Variants in HSD17B2 observed in about 807,000 individuals in gnomAD.
The protein encoded by HSD17B2 is 17-beta-hydroxysteroid dehydrogenase type 2.
In HSD17B2, 32 loss-of-function variants were observed where a neutral mutation model predicts 26.9. The ratio of observed to expected loss-of-function variants is 1.19; its 90% CI spans 0.90 to 1.60. HSD17B2 has a LOEUF of 1.60. Among genes scored for constraint, HSD17B2 ranks in the 40% most tolerant of loss-of-function variants. The probability of loss-of-function intolerance (pLI) is 0.00; values close to 1 mark genes in which losing one functional copy is unlikely to be tolerated. For missense variants in HSD17B2, 613 were observed against 468.6 expected, an observed-to-expected ratio of 1.31 and a Z score of -2.85; for synonymous variants, 246 against 186.7, an observed-to-expected ratio of 1.32 and a Z score of -2.59.
intron 3 of HSD17B2, among the ~76,000 whole-genome samples, chr16:82,081,373 T>C (rs1039750463): frequency 2.6e-5 from 4 of 152,082 alleles, no homozygotes; most frequent in Admixed American, 6.6e-5. Flanking sequence ...TAACTCCTTC[T>C]CTCTCCCTGG....
chr16:82,068,310 C>T lies in HSD17B2; in HGVS notation c.406C>T (p.Gln136Ter), dbSNP rs763824507. ...RTCSPRLSVL[Q>*]MDITKPVQIK... ...CTGCTCTCCGCGCCTCTCGGTGCTC[C>T]AAATGGACATCACGAAGCCAGTGCA... Residue 136 changes from glutamine to a stop codon, truncating the protein, a stop_gained, in exon 2 of 5, where the codon CAA becomes TAA. Transcript: ENST00000199936. LOFTEE classifies it high-confidence loss of function. 16 of 1,614,074 alleles carry T rather than the reference C, an allele frequency of 9.9e-6. No homozygotes were observed. Among genetic ancestry groups the T allele is most frequent in the Non-Finnish European group, 1.4e-5 (16 of 1,180,006 alleles).
intron 1 of HSD17B2, among the ~76,000 whole-genome samples, chr16:82,058,456 T>A (rs1367298616): frequency 2.0e-5 from 3 of 152,178 alleles, no homozygotes; most frequent in Non-Finnish European, 4.4e-5. Flanking sequence ...AAATCTAAAT[T>A]TGCTCTAAAA....
At chr16:82,048,190 G>A (rs1352545408) in intron 1 of HSD17B2, among the ~76,000 whole-genome samples, 2 of 152,140 alleles carry the variant, frequency 1.3e-5, no homozygotes, top group South Asian at 2.1e-4. Context: ...TCTGAGAGAC[G>A]AGTGTAGACA....
intron 3 of HSD17B2, 66 bp downstream of exon 3, chr16:82,071,193 T>A (rs1376227479): frequency 6.7e-7 from 1 of 1,503,122 alleles, no homozygotes; most frequent in African/African-American, 1.4e-5. Context: ...TGGCATTCTA[T>A]GTGGGCGAAC....
intron 1 of HSD17B2, among the ~76,000 whole-genome samples, chr16:82,036,695 TG>T (rs1913635056): frequency 6.6e-6 from 1 of 152,148 alleles, no homozygotes; most frequent in African/African-American, 2.4e-5. Flanking sequence ...TGGTGCTTGT[TG>T]GGGTTAGACA....
intron 3 of HSD17B2, chr16:82,071,472 A>T (rs1247698956): frequency 5.3e-6 from 2 of 375,794 alleles, no homozygotes; most frequent in East Asian, 1.3e-4. Context: ...CCTGTTTTCA[A>T]CACTTCGTCA....
rs757851714 is a variant in HSD17B2 at position 82,035,449 on chromosome 16, G to A, written c.25G>A (p.Ala9Thr). Residue 9 changes from alanine to threonine, a missense_variant, in exon 1 of 5, where the codon GCA (alanine) becomes ACA (threonine). Ala to Thr is a moderately conservative substitution (Grantham distance 58, BLOSUM62 0). Transcript: ENST00000199936. ...AATGAGCACTTTCTTCTCGGACACA[G>A]CATGGATCTGCCTGGCTGTCCCCAC... Reference protein sequence around the residue: MSTFFSDTAWICLAVPTVL... With the variant: MSTFFSDTTWICLAVPTVL... 30 of 1,613,350 alleles carry A rather than the reference G, an allele frequency of 1.9e-5. No homozygotes were observed. Among genetic ancestry groups the A allele is most frequent in the Middle Eastern group, 1.7e-4 (1 of 5,726 alleles).
chr16:82,094,734 C>T (rs927624622), intron 4 of HSD17B2: 2 of 152,158 alleles, frequency 1.3e-5, no homozygotes, highest in Non-Finnish European at 2.9e-5. Context: ...TTCTAAGAGA[C>T]ATTCCAGATT....
chr16:82,054,495 C>G (rs750608920), intron 1 of HSD17B2, among the ~76,000 whole-genome samples: 51 of 152,262 alleles, frequency 3.3e-4, no homozygotes, highest in Non-Finnish European at 4.7e-4. Flanking sequence ...CAGGTGTGTG[C>G]CACCAGAGCT....
chr16:82,057,842 A>G (rs1914319385), intron 1 of HSD17B2, among the ~76,000 whole-genome samples: 1 of 152,202 alleles, frequency 6.6e-6, no homozygotes, highest in Admixed American at 6.5e-5. Flanking sequence ...TATGTCAACT[A>G]TGTCAGGTCT....
At chr16:82,059,688 GT>G (rs1914377815) in intron 1 of HSD17B2, among the ~76,000 whole-genome samples, 1 of 152,160 alleles carries the variant, frequency 6.6e-6, no homozygotes, top group African/African-American at 2.4e-5. Flanking sequence ...GTGAAGACAG[GT>G]AGGAAGATGT....
At chr16:82,090,309 T>TTTG (rs1687436859) in intron 3 of HSD17B2, 2 of 249,578 alleles carry the variant, frequency 8.0e-6, no homozygotes, top group Non-Finnish European at 1.1e-5. Context: ...ATTGTTTTTT[T>TTTG]TTTTTTTTTT....
At chr16:82,086,475 A>C (rs1158836227) in intron 3 of HSD17B2, among the ~76,000 whole-genome samples, 2 of 152,184 alleles carry the variant, frequency 1.3e-5, no homozygotes, top group Non-Finnish European at 2.9e-5. Flanking sequence ...ATGTAAAGGA[A>C]ATAAAATGAC....
At position 82,077,784 on chromosome 16, in the gene HSD17B2, G is replaced by A. The variant is rs560072402; in HGVS notation, c.664+6657G>A. Among the ~76,000 whole-genome samples, 6 of 149,154 alleles carry A rather than the reference G, an allele frequency of 4.0e-5. No individual in the cohort carries two copies. In the South Asian group the frequency reaches 8.6e-4, roughly 21 times the overall value. On this transcript the variant is annotated intron_variant, in intron 3 of 4. Transcript: ENST00000199936. ...AAAAGAAAGAAAGAAAGGAAGGAAG[G>A]AAGAAAGGAAGAAAAGAAAAGAAAA...
At chr16:82,067,850 A>G (rs1056568147) in intron 1 of HSD17B2, among the ~76,000 whole-genome samples, 1 of 152,190 alleles carries the variant, frequency 6.6e-6, no homozygotes, top group African/African-American at 2.4e-5. Context: ...CTTCCATTGG[A>G]TGCCTTGGTT....
intron 3 of HSD17B2, among the ~76,000 whole-genome samples, chr16:82,072,788 G>C (rs1045363473): frequency 6.6e-6 from 1 of 152,178 alleles, no homozygotes; most frequent in Admixed American, 6.5e-5. Context: ...AGGTGCGGTG[G>C]CTCAAGGATG....
intron 1 of HSD17B2, among the ~76,000 whole-genome samples, chr16:82,066,394 C>G (rs1914573449): frequency 6.6e-6 from 1 of 152,222 alleles, no homozygotes; most frequent in African/African-American, 2.4e-5. Flanking sequence ...TTTGCCATGA[C>G]TATCATTCTC....
chr16:82,097,944 AT>A (rs1302559895), intron 4 of HSD17B2, 130 bp from the exon 5 acceptor site: 29 of 849,878 alleles, frequency 3.4e-5, no homozygotes, highest in Non-Finnish European at 4.0e-5. Flanking sequence ...TATCCCAAAA[AT>A]AAAAAAATAA....
At chr16:82,094,118 T>C (rs1904770457) in intron 4 of HSD17B2, 1 of 152,210 alleles carries the variant, frequency 6.6e-6, no homozygotes, top group African/African-American at 2.4e-5. Context: ...TACTATGACT[T>C]GTATCTTGTG....
Sources: allele counts gnomAD v4.1 joint callset (sites outside exome capture counted in the v4.1 genomes callset), GRCh38; gene constraint gnomAD v4.1.1; transcripts MANE v1.5; gene names NCBI Gene and HGNC (gene_info 2026-07-23, HGNC 2026-07-21).